The following TULP3 variants were observed in gnomAD, a reference collection of about 807,000 sequenced individuals.
TULP3 encodes tubby-related protein 3.
In TULP3, 38 loss-of-function variants were observed where a neutral mutation model predicts 50.7. The ratio of observed to expected loss-of-function variants is 0.75; its 90% CI spans 0.58 to 0.98. TULP3 has a LOEUF of 0.98. TULP3 is among the 50% of genes least tolerant of loss of function. The pLI is 0.00. For synonymous variants in TULP3, 183 were observed against 196.6 expected (o/e 0.93, Z 0.58); for missense variants, 550 against 568.0 (o/e 0.97, Z 0.32).
chr12:2,913,803 G>A (rs1224299302), intron 2 of TULP3, among the ~76,000 whole-genome samples: 1 of 151,880 alleles, frequency 6.6e-6, no homozygotes, highest in Non-Finnish European at 1.5e-5. Flanking sequence ...TAGAGACTGG[G>A]TTACACCATA....
In TULP3 at chr12:2,920,912, C is replaced by T. The variant is rs921331249; in HGVS notation, c.243C>T (p.Val81=). The T allele has an allele frequency of 6.2e-7, 1 of 1,614,134 alleles. No individual in the cohort carries two copies. The highest frequency in any genetic ancestry group is 8.5e-7 in the Non-Finnish European group (1 of 1,180,028). ...LVNCHTPHSN[V]ILHGIDGPAA... ...ACTGTCATACTCCCCACAGCAATGT[C>T]ATCTTACATGGTGTGTATTTAGGCA... Residue 81 remains valine, a synonymous_variant, in exon 3 of 11, where the codon GTC becomes GTT. Transcript: ENST00000448120.
chr12:2,899,799 A>G (rs991768134), intron 1 of TULP3, among the ~76,000 whole-genome samples: 10 of 150,498 alleles, frequency 6.6e-5, no homozygotes, highest in African/African-American at 1.2e-4. Context: ...AGGCTGAGGC[A>G]GGAGAATGGC....
chr12:2,933,340 A>G, intron 6 of TULP3, 78 bp from the exon 7 acceptor site: 5 of 854,216 alleles, frequency 5.9e-6, no homozygotes, highest in East Asian at 2.5e-5. Context: ...GGCTGAATGA[A>G]TATGTAGGAC....
At position 2,932,973 on chromosome 12, in the gene TULP3, C is replaced by T. The variant is rs1264367535; in HGVS notation, c.697-445C>T. Among the ~76,000 whole-genome samples, 4 of 151,012 alleles carry T rather than the reference C, an allele frequency of 2.6e-5. No individual in the cohort carries two copies. The South Asian group carries it at 8.4e-4, about 32-fold the overall frequency. On this transcript the variant is annotated intron_variant, in intron 6 of 10. Coordinates refer to ENST00000448120, the MANE Select transcript of TULP3 (RefSeq NM_003324.5). ...TTATTTTTTTTTTGAGACAGAGTCT[C>T]ATTCTGTCACCCAGGCTGGAGTGCA...
intron 1 of TULP3, among the ~76,000 whole-genome samples, chr12:2,906,216 C>G (rs4612876): frequency 0.48 from 71,761 of 149,754 alleles, 17,612 homozygotes; most frequent in African/African-American, 0.6. Flanking sequence ...ATTTTTAGTA[C>G]AGATGGGGTT....
At chr12:2,899,690 G>A (rs553506246) in intron 1 of TULP3, among the ~76,000 whole-genome samples, 5 of 151,802 alleles carry the variant, frequency 3.3e-5, no homozygotes, top group African/African-American at 4.8e-5. Context: ...TCAGAAGTTC[G>A]AGACCATCCT....
chr12:2,931,952 T>A (rs570996723), intron 6 of TULP3, among the ~76,000 whole-genome samples: 36 of 152,242 alleles, frequency 2.4e-4, no homozygotes, highest in Middle Eastern at 6.8e-3. Context: ...GGGAGTGACT[T>A]ACCTACCCCA....
At chr12:2,927,120 T>TCATA (rs151133961) in intron 4 of TULP3, among the ~76,000 whole-genome samples, 7,497 of 152,214 alleles carry the variant, frequency 0.049, 369 homozygotes, top group African/African-American at 0.12. Context: ...ATTGATAGAA[T>TCATA]CATACACTAT....
At chr12:2,905,375 G>A (rs373341680) in intron 1 of TULP3, among the ~76,000 whole-genome samples, 7 of 151,612 alleles carry the variant, frequency 4.6e-5, no homozygotes, top group African/African-American at 1.7e-4. Flanking sequence ...TAGTAGAGAC[G>A]GGGTTTCACC....
At chr12:2,924,068 G>T (rs1369557906) in intron 4 of TULP3, among the ~76,000 whole-genome samples, 2 of 152,192 alleles carry the variant, frequency 1.3e-5, no homozygotes, top group Non-Finnish European at 2.9e-5. Flanking sequence ...TAGGATACAT[G>T]AGTAAGCATG....
chr12:2,910,014 C>T (rs898693163), intron 2 of TULP3, among the ~76,000 whole-genome samples: 2 of 152,146 alleles, frequency 1.3e-5, no homozygotes, highest in Non-Finnish European at 2.9e-5. Context: ...ATCGCAGGGC[C>T]GGGCACAGTG....
At chr12:2,917,615 T>A (rs562536762) in intron 2 of TULP3, among the ~76,000 whole-genome samples, 1 of 152,012 alleles carries the variant, frequency 6.6e-6, no homozygotes, top group Non-Finnish European at 1.5e-5. Context: ...CGGTGGCTCA[T>A]GCCTGTAATC....
chr12:2,920,033 T>TA lies in TULP3; in HGVS notation c.94-717dup, dbSNP rs899279354. On this transcript the variant is annotated intron_variant, in intron 2 of 10. Coordinates refer to ENST00000448120, the MANE Select transcript of TULP3 (RefSeq NM_003324.5). ...TTCCATTTACAAAAGTAAGAAAACT[T>TA]AAAAAAAAAAAAAGACTAGAAAAGA... 3.5e-3 allele frequency among the ~76,000 whole-genome samples: 499 copies of TA among 140,760 alleles called. 3 individuals are homozygous for TA. The highest frequency in any genetic ancestry group is 0.011 in the South Asian group (50 of 4,490). The allele number at this position is 140,760 out of a possible 152,430, so 92.3% of individuals were successfully genotyped here. A position where few individuals can be genotyped will look rare whatever the true frequency, so the allele number is the denominator to read the frequency against.
At chr12:2,897,659 C>T (rs969689835) in intron 1 of TULP3, among the ~76,000 whole-genome samples, 3 of 150,200 alleles carry the variant, frequency 2.0e-5, no homozygotes, top group Non-Finnish European at 4.4e-5. Flanking sequence ...TAGGGTCTTG[C>T]TGTATTGCCC....
At chr12:2,925,072 G>A (rs1369523582) in intron 4 of TULP3, among the ~76,000 whole-genome samples, 4 of 151,596 alleles carry the variant, frequency 2.6e-5, no homozygotes, top group African/African-American at 9.7e-5. Context: ...GGAGGTTGAG[G>A]CACGAGAATG....
At chr12:2,934,751 C>T (rs1038383898) in intron 8 of TULP3, among the ~76,000 whole-genome samples, 190 bp downstream of exon 8, 1 of 152,198 alleles carries the variant, frequency 6.6e-6, no homozygotes, top group African/African-American at 2.4e-5. Flanking sequence ...TTTTCACTCT[C>T]AGAACATTTC....
At chr12:2,895,710 A>G (rs998857034) in intron 1 of TULP3, among the ~76,000 whole-genome samples, 4 of 152,178 alleles carry the variant, frequency 2.6e-5, no homozygotes, top group Non-Finnish European at 4.4e-5. Context: ...TTGCCACTTA[A>G]TGATGGGGAT....
chr12:2,925,771 C>T (rs1023664201), intron 4 of TULP3, among the ~76,000 whole-genome samples: 1 of 152,196 alleles, frequency 6.6e-6, no homozygotes, highest in African/African-American at 2.4e-5. Context: ...CTAAATTACT[C>T]ACCCTGAGTC....
chr12:2,894,582 A>G (rs1421233204), intron 1 of TULP3, among the ~76,000 whole-genome samples: 2 of 150,824 alleles, frequency 1.3e-5, no homozygotes, highest in South Asian at 4.2e-4. Context: ...CACACAAAAA[A>G]GAGATCTGTC....
Sources: gnomAD v4.1 joint callset for allele counts (sites outside exome capture counted in the v4.1 genomes callset) on GRCh38, gnomAD v4.1.1 for gene constraint, MANE v1.5 for transcripts, NCBI Gene and HGNC (gene_info 2026-07-23, HGNC 2026-07-21) for gene names.